Variants in FBN3 observed in about 807,000 individuals in gnomAD.
The protein encoded by FBN3 is fibrillin-3.
Under a neutral mutation model 330.1 loss-of-function variants are expected in FBN3, and 234 were observed. The observed-to-expected ratio is 0.71, with a 90% CI of 0.64 to 0.79. The LOEUF is 0.79. FBN3 is among the 30% of genes least tolerant of loss of function. FBN3 has a pLI of 0.00. For synonymous variants in FBN3, 1,458 were observed against 1,517.3 expected (o/e 0.96, Z 0.91); for missense variants, 3,606 against 3,886.9 (o/e 0.93, Z 1.92).
chr19:8,114,236 T>G (rs1018772825), intron 30 of FBN3, among the ~76,000 whole-genome samples: 9 of 137,450 alleles, frequency 6.5e-5, no homozygotes, highest in African/African-American at 2.3e-4. Context: ...GAGAATCAAT[T>G]TCTTTTTAAT....
intron 59 of FBN3, among the ~76,000 whole-genome samples, 197 bp from the exon 60 acceptor site, chr19:8,075,608 A>T (rs1382891668): frequency 6.6e-6 from 1 of 152,218 alleles, no homozygotes. Context: ...CTGCACATAA[A>T]GAATCTCATC....
In FBN3 at chr19:8,121,114, C is replaced by T. The variant is rs1487706820; in HGVS notation, c.3211+144G>A. 4.9e-6 allele frequency: 4 copies of T among 808,430 alleles called. No individual in the cohort carries two copies. The highest frequency in any genetic ancestry group is 2.7e-5 in the East Asian group (1 of 36,956). 50.1% of individuals were successfully genotyped at this position (808,430 alleles called of 1,614,324 possible). On this transcript the variant is annotated intron_variant, in intron 25 of 63. Transcript: ENST00000600128. This position sits in a 1 kb window ranked among gnomAD's most constrained non-coding sequence, Gnocchi z 4.5. ...CGAGGCCTCATGGAGCCCAGACTCA[C>T]TGTACCTCAGCTAATTTACAGCTCC... is the stretch of plus-strand genomic sequence containing the variant.
chr19:8,078,700 C>T (rs2081700547), intron 59 of FBN3, among the ~76,000 whole-genome samples: 1 of 151,864 alleles, frequency 6.6e-6, no homozygotes, highest in Non-Finnish European at 1.5e-5. Context: ...CAGGTGTGAG[C>T]CATTATGCCT....
chr19:8,088,107 C>T lies in FBN3; in HGVS notation c.6449G>A (p.Cys2150Tyr), dbSNP rs2082009415. ...TCTNVIGGFE[C>Y]ACADGFEPGL... Reference sequence around the variant, plus strand: ...AGGCTCAAAGCCGTCAGCACAGGCACATTCGAAGCCTCCGATGACATTGGT... The same window carrying T: ...AGGCTCAAAGCCGTCAGCACAGGCATATTCGAAGCCTCCGATGACATTGGT... The change falls in exon 52 of 64, where the codon TGT (cysteine) becomes TAT (tyrosine). Residue 2150 changes from cysteine (C) to tyrosine (Y), a missense_variant. Transcript: ENST00000600128. 5.6e-6 allele frequency: 9 copies of T among 1,614,118 alleles called. No homozygotes were observed. The highest frequency in any genetic ancestry group is 1.3e-5 in the African/African-American group (1 of 75,048).
In FBN3 at chr19:8,131,866, C is replaced by A. The variant is rs1184881835; in HGVS notation, c.1715-37G>T. On this transcript the variant is annotated intron_variant, in intron 14 of 63. Coordinates refer to ENST00000600128, the MANE Select transcript of FBN3 (RefSeq NM_032447.5). The surrounding 1 kb of genome is among the most constrained non-coding windows in gnomAD (Gnocchi z 4.5). ...GTGGCGGCACGGGGATGGGTTCCAG[C>A]GTGCTCCCTTCCTCTCTCCCCTCCC... 5 of 1,521,690 alleles carry A rather than the reference C, an allele frequency of 3.3e-6. No individual in the cohort carries two copies. The highest frequency in any genetic ancestry group is 4.4e-6 in the Non-Finnish European group (5 of 1,132,212). The allele number at this position is 1,521,690 out of a possible 1,614,324, so 94.3% of individuals were successfully genotyped here.
At chr19:8,097,519 G>A in intron 41 of FBN3, 105 bp from the exon 42 acceptor site, 1 of 1,297,660 alleles carries the variant, frequency 7.7e-7, no homozygotes, top group Non-Finnish European at 1.0e-6. Context: ...GGCTGTTGTG[G>A]CCACAAACCA....
At chr19:8,098,382 C>G (rs1304526914) in intron 41 of FBN3, among the ~76,000 whole-genome samples, 1 of 151,274 alleles carries the variant, frequency 6.6e-6, no homozygotes, top group East Asian at 2.0e-4. Context: ...ACCTAAGTGC[C>G]CATCAATAGG....
At chr19:8,138,082 C>T (rs2083327714) in intron 10 of FBN3, 59 bp downstream of exon 10, 4 of 1,497,404 alleles carry the variant, frequency 2.7e-6, no homozygotes, top group Admixed American at 4.9e-5. Flanking sequence ...GAGCTCTCTC[C>T]CCAGATCCAG....
At chr19:8,076,442 C>T (rs1013670991) in intron 59 of FBN3, among the ~76,000 whole-genome samples, 7 of 152,040 alleles carry the variant, frequency 4.6e-5, no homozygotes, top group Admixed American at 3.3e-4. Flanking sequence ...TCGAGATCAG[C>T]CTGACCAACA....
rs770754948 is a variant in FBN3 at position 8,109,177 on chromosome 19, G to A, written c.4618+50C>T. ...AGCAGAGGTGACCCCCTAAGCTCCC[G>A]GGCCTCGGTGGCTTAGGTCACGGTG... On this transcript the variant is annotated intron_variant, in intron 36 of 63. Coordinates refer to ENST00000600128, the MANE Select transcript of FBN3 (RefSeq NM_032447.5). The surrounding 1 kb of genome is among the most constrained non-coding windows in gnomAD (Gnocchi z 5.2). 18 of 1,575,876 alleles carry A rather than the reference G, an allele frequency of 1.1e-5. No homozygotes were observed. The Admixed American group carries it at 1.4e-4, about 12-fold the overall frequency.
Position 8,138,407 on chromosome 19 carries a change from C to T in FBN3, c.1018+5G>A, listed in dbSNP as rs755124215. ...ACAGCCCTGCAGGCTGCAGCTCTTA[C>T]TCACTGGAGCCCCGAGGAGGACACA... is the stretch of plus-strand genomic sequence containing the variant. On this transcript the variant is annotated splice_donor_5th_base_variant and intron_variant, in intron 9 of 63. Transcript: ENST00000600128. The T allele has an allele frequency of 1.2e-6, 2 of 1,610,596 alleles. No individual in the cohort carries two copies. Among genetic ancestry groups the T allele is most frequent in the South Asian group, 1.1e-5 (1 of 90,950 alleles).
At chr19:8,087,792 G>A (rs147616464) in intron 53 of FBN3, 33 bp downstream of exon 53, 2 of 1,587,802 alleles carry the variant, frequency 1.3e-6, no homozygotes, top group Non-Finnish European at 1.7e-6. Context: ...ATTTTTAGTA[G>A]AGACAGGGTT....
chr19:8,141,946 A>G lies in FBN3; in HGVS notation c.733T>C (p.Cys245Arg). The change falls in exon 7 of 64, where the codon TGC (cysteine) becomes CGC (arginine). Residue 245 changes from cysteine to arginine, a missense_variant. Transcript: ENST00000600128. ...CCCTGACCCCACTATTCACCTTGGC[A>G]GGCCCCCGTGTGGATATTGGGGATG... is the stretch of plus-strand genomic sequence containing the variant. The part of the protein sequence containing the change: ...GFIPNIHTGA[C>R]QDVDECQAVP... 1 of 1,614,180 alleles carries G rather than the reference A, an allele frequency of 6.2e-7. No homozygotes were observed. Among genetic ancestry groups the G allele is most frequent in the Non-Finnish European group, 8.5e-7 (1 of 1,180,006 alleles).
At chr19:8,093,346 T>TG (rs2082138791) in intron 47 of FBN3, among the ~76,000 whole-genome samples, 3 of 151,726 alleles carry the variant, frequency 2.0e-5, no homozygotes, top group Admixed American at 6.6e-5. Context: ...AAATTGGGCC[T>TG]GGCGCAATGG....
In FBN3 at chr19:8,142,033, G is replaced by C; in HGVS notation, c.646C>G (p.Arg216Gly). 1 of 1,614,130 alleles carries C rather than the reference G, an allele frequency of 6.2e-7. No homozygotes were observed. The highest frequency in any genetic ancestry group is 8.5e-7 in the Non-Finnish European group (1 of 1,180,010). The stretch of plus-strand genomic sequence containing the variant: ...AGTTCACATGGAAGGCCCCAGGCAC[G>C]GCCCACAGTGGCACAGCAAAGTGCC... ...TKALCCATVG[R>G]AWGLPCELCP... The change falls in exon 7 of 64, where the codon CGT (arginine) becomes GGT (glycine). Residue 216 changes from arginine to glycine, a missense_variant. Coordinates refer to ENST00000600128, the MANE Select transcript of FBN3 (RefSeq NM_032447.5).
rs748916084 is a variant in FBN3 at position 8,066,225 on chromosome 19, C to T, written c.8124G>A (p.Leu2708=). Residue 2708 remains leucine, a synonymous_variant, in exon 64 of 64, where the codon CTG becomes CTA. Coordinates refer to ENST00000600128, the MANE Select transcript of FBN3 (RefSeq NM_032447.5). ...GGTGTGAGAGGTTCAGGCCCAAGGT[C>T]AGCAGGGCCTCGGAGTCAAGGGTGG... The part of the protein sequence containing the change: ...NLATLDSEAL[L]TLGLNLSHLG... The T allele has an allele frequency of 1.3e-6, 2 of 1,591,220 alleles. No homozygotes were observed. Among genetic ancestry groups the T allele is most frequent in the South Asian group, 1.1e-5 (1 of 90,014 alleles).
chr19:8,100,422 T>C (rs754450019), intron 41 of FBN3, among the ~76,000 whole-genome samples: 18 of 151,902 alleles, frequency 1.2e-4, no homozygotes, highest in Non-Finnish European at 2.6e-4. Flanking sequence ...ACTGCAACCT[T>C]TGCCTCCTGG....
Position 8,089,682 on chromosome 19 carries a change from A to G in FBN3, c.6251-12T>C, listed in dbSNP as rs201963826. 1.5e-4 allele frequency: 248 copies of G among 1,613,664 alleles called. No homozygotes were observed. Among genetic ancestry groups the G allele is most frequent in the Non-Finnish European group, 2.0e-4 (234 of 1,179,776 alleles). ...ACACTCATTCACGTCTGCGGATGGC[A>G]GGCGTTGCAGACATGGCTTCTGTCA... is the stretch of plus-strand genomic sequence containing the variant. On this transcript the variant is annotated splice_polypyrimidine_tract_variant and intron_variant, in intron 50 of 63. Transcript: ENST00000600128.
chr19:8,088,003 T>G (rs2082006962), intron 52 of FBN3, 56 bp from the exon 53 acceptor site: 2 of 1,613,762 alleles, frequency 1.2e-6, no homozygotes, highest in Admixed American at 1.7e-5. Flanking sequence ...GGACCTCCAC[T>G]CCCTCCCCCA....
Sources: gnomAD v4.1 joint callset for allele counts (sites outside exome capture counted in the v4.1 genomes callset) on GRCh38, gnomAD v4.1.1 for gene constraint, Gnocchi (gnomAD v3.1) non-coding constraint, MANE v1.5 for transcripts, NCBI Gene and HGNC (gene_info 2026-07-23, HGNC 2026-07-21) for gene names.